Variants in FGGY observed in about 807,000 individuals in gnomAD.
FGGY encodes FGGY carbohydrate kinase domain containing.
A neutral mutation model predicts 71.3 loss-of-function variants in FGGY; 72 were observed. That is an observed-to-expected ratio of 1.01 (90% confidence interval 0.84 to 1.23). FGGY has a LOEUF of 1.23. Ranked by LOEUF, FGGY falls within the 50% of genes most tolerant of loss-of-function variation. The pLI, the probability that FGGY is intolerant of heterozygous loss-of-function variation, is 0.00. For synonymous variants in FGGY, 251 were observed against 250.3 expected, an observed-to-expected ratio of 1.00 and a Z score of -0.02; for missense variants, 668 against 682.3, an observed-to-expected ratio of 0.98 and a Z score of 0.23.
intron 8 of FGGY, among the ~76,000 whole-genome samples, chr1:59,572,819 T>G (rs1004031779): frequency 2.6e-5 from 4 of 152,212 alleles, no homozygotes; most frequent in African/African-American, 9.6e-5. Flanking sequence ...TGAGTAGAGA[T>G]ATCTGGAGAG....
At chr1:59,469,843 T>C (rs774183402) in intron 6 of FGGY, among the ~76,000 whole-genome samples, 48 of 152,158 alleles carry the variant, frequency 3.2e-4, no homozygotes, top group Admixed American at 6.6e-4. Context: ...AGTGAGAACA[T>C]GTGATATTTG....
At chr1:59,476,061 T>C (rs12094316) in intron 6 of FGGY, among the ~76,000 whole-genome samples, 6,077 of 152,306 alleles carry the variant, frequency 0.04, 398 homozygotes, top group African/African-American at 0.14. Context: ...CTCAGACATT[T>C]CCAGTGTATA....
At chr1:59,684,605 C>T (rs190394076) in intron 14 of FGGY, among the ~76,000 whole-genome samples, 232 of 152,310 alleles carry the variant, frequency 1.5e-3, no homozygotes, top group African/African-American at 5.3e-3. Flanking sequence ...TCTGGATCCT[C>T]AGTCTCATGA....
intron 6 of FGGY, among the ~76,000 whole-genome samples, chr1:59,457,718 A>G (rs2091851400): frequency 1.3e-5 from 2 of 152,216 alleles, no homozygotes; most frequent in Admixed American, 6.5e-5. Flanking sequence ...TCCAGTCAGT[A>G]CTACGAAAAT....
chr1:59,474,991 G>C lies in FGGY; in HGVS notation c.670+17915G>C, dbSNP rs577824923. 2.6e-5 allele frequency among the ~76,000 whole-genome samples: 4 copies of C among 152,268 alleles called. No homozygotes were observed. The South Asian group carries it at 8.3e-4, about 32-fold the overall frequency. ...CAGGTAAAGTTCCTAGCATACAATA[G>C]GTCTTCAGAAAATGAAAGTTCTTAC... On this transcript the variant is annotated intron_variant, in intron 6 of 15. Transcript: ENST00000303721.
intron 6 of FGGY, among the ~76,000 whole-genome samples, chr1:59,490,873 A>T (rs1033939211): frequency 2.0e-5 from 3 of 151,466 alleles, no homozygotes; most frequent in Non-Finnish European, 4.4e-5. Flanking sequence ...GTTCTTTTCC[A>T]TTGGTCTGTG....
intron 14 of FGGY, among the ~76,000 whole-genome samples, chr1:59,704,614 G>T (rs1357839219): frequency 6.6e-6 from 1 of 152,052 alleles, no homozygotes; most frequent in East Asian, 1.9e-4. Context: ...TACATATAAA[G>T]CTGCCCCATG....
intron 6 of FGGY, among the ~76,000 whole-genome samples, chr1:59,493,075 A>G (rs972001950): frequency 6.9e-6 from 1 of 145,926 alleles, no homozygotes; most frequent in African/African-American, 2.5e-5. Context: ...ACTCATTAGG[A>G]TGGCTACTAT....
chr1:59,300,100 G>A (rs2042534358), intron 1 of FGGY, among the ~76,000 whole-genome samples: 1 of 152,204 alleles, frequency 6.6e-6, no homozygotes, highest in Non-Finnish European at 1.5e-5. Flanking sequence ...AGGTGTTCTT[G>A]AGTGGGCTAT....
intron 14 of FGGY, among the ~76,000 whole-genome samples, chr1:59,750,927 T>C (rs571893473): frequency 4.0e-5 from 6 of 149,310 alleles, no homozygotes; most frequent in Admixed American, 2.7e-4. Flanking sequence ...AAAGGTACAG[T>C]GTCCTGTATT....
chr1:59,592,808 A>C, intron 8 of FGGY, among the ~76,000 whole-genome samples: 1 of 144,280 alleles, frequency 6.9e-6, no homozygotes, highest in African/African-American at 2.7e-5. Flanking sequence ...CGGGGGAGGG[A>C]TAGCATTATG....
chr1:59,313,078 G>C (rs77320554), intron 1 of FGGY, among the ~76,000 whole-genome samples: 2,458 of 152,274 alleles, frequency 0.016, 35 homozygotes, highest in East Asian at 0.05. Context: ...AGAACTGTTG[G>C]AACAGTAATG....
At chr1:59,461,981 C>T (rs1034057674) in intron 6 of FGGY, among the ~76,000 whole-genome samples, 1 of 151,722 alleles carries the variant, frequency 6.6e-6, no homozygotes, top group Non-Finnish European at 1.5e-5. Context: ...CCCTCCTCCC[C>T]CCACCCCACA....
intron 4 of FGGY, among the ~76,000 whole-genome samples, chr1:59,351,044 G>T (rs188145462): frequency 7.2e-5 from 11 of 152,300 alleles, no homozygotes; most frequent in Admixed American, 7.2e-4. Context: ...TTTTCAAGTG[G>T]TTAAGAAAGA....
At chr1:59,336,968 A>G (rs2049674116) in intron 2 of FGGY, among the ~76,000 whole-genome samples, 2 of 147,458 alleles carry the variant, frequency 1.4e-5, no homozygotes, top group Non-Finnish European at 3.0e-5. Context: ...CAGAGGGACA[A>G]GGCCAGTAGG....
At chr1:59,507,234 G>A (rs1310119941) in intron 6 of FGGY, among the ~76,000 whole-genome samples, 1 of 152,234 alleles carries the variant, frequency 6.6e-6, no homozygotes, top group East Asian at 1.9e-4. Flanking sequence ...TTGGCCGCCT[G>A]TGGGTGGTTG....
intron 4 of FGGY, among the ~76,000 whole-genome samples, chr1:59,370,231 A>G (rs1413627226): frequency 6.6e-6 from 1 of 152,224 alleles, no homozygotes; most frequent in African/African-American, 2.4e-5. Context: ...GAGCTGATGG[A>G]GCTGAAAGCC....
At chr1:59,655,394 C>T (rs2153948398) in intron 11 of FGGY, among the ~76,000 whole-genome samples, 1 of 152,274 alleles carries the variant, frequency 6.6e-6, no homozygotes, top group South Asian at 2.1e-4. Context: ...GCCCCACATA[C>T]ATTAGGTATT....
intron 5 of FGGY, among the ~76,000 whole-genome samples, chr1:59,455,356 C>T (rs540107796): frequency 8.5e-5 from 13 of 152,160 alleles, no homozygotes; most frequent in African/African-American, 2.9e-4. Context: ...GATGACTGTT[C>T]CAGGAAGAAT....
Sources: gnomAD v4.1 joint callset for allele counts (sites outside exome capture counted in the v4.1 genomes callset) on GRCh38, gnomAD v4.1.1 for gene constraint, MANE v1.5 for transcripts, NCBI Gene and HGNC (gene_info 2026-07-23, HGNC 2026-07-21) for gene names.